CACNA1C: variants seen among roughly 807,000 people sequenced by gnomAD.
CACNA1C encodes voltage-dependent L-type calcium channel subunit alpha-1C.
CACNA1C carries 30 observed loss-of-function variants against 229.0 expected under a neutral mutation model. The ratio of observed to expected loss-of-function variants is 0.13; its 90% CI spans 0.10 to 0.18. The LOEUF is 0.18. Ranked by LOEUF, CACNA1C falls within the 10% of genes least tolerant of loss-of-function variation. The pLI, the probability that CACNA1C is intolerant of heterozygous loss-of-function variation, is 1.00. For missense variants in CACNA1C, 1,658 were observed against 2,845.0 expected, an observed-to-expected ratio of 0.58 and a Z score of 9.49; for synonymous variants, 1,114 against 1,132.5, an observed-to-expected ratio of 0.98 and a Z score of 0.33.
In CACNA1C at chr12:2,157,076, C is replaced by T. The variant is rs75768283; in HGVS notation, c.477+36646C>T. Among the ~76,000 whole-genome samples, 11 of 152,226 alleles carry T rather than the reference C, an allele frequency of 7.2e-5. No individual in the cohort carries two copies. The East Asian group carries it at 1.5e-3, about 21-fold the overall frequency. On this transcript the variant is annotated intron_variant, in intron 3 of 46. Coordinates refer to ENST00000399655, the MANE Select transcript of CACNA1C (RefSeq NM_000719.7). ...TGGTATCAGGTATTTTTGGAAGTGA[C>T]GGTTAAAATGGGGCTAAGAACTGGA... is the stretch of plus-strand genomic sequence containing the variant.
At chr12:2,051,520 CA>C (rs530036359), upstream of CACNA1C, among the ~76,000 whole-genome samples, 59 of 152,250 alleles carry the variant, frequency 3.9e-4, 1 homozygote, top group Non-Finnish European at 7.4e-4. Context: ...GAAGGTAGAC[CA>C]GGGGGATCAG....
At chr12:2,661,986 T>G (rs1603416573) in intron 34 of CACNA1C, among the ~76,000 whole-genome samples, 1 of 152,236 alleles carries the variant, frequency 6.6e-6, no homozygotes, top group Admixed American at 6.5e-5. Context: ...CTCACGCCTG[T>G]AATCCCAGCA....
intron 32 of CACNA1C, among the ~76,000 whole-genome samples, chr12:2,652,313 ATG>A (rs1230887978): frequency 6.6e-6 from 1 of 152,156 alleles, no homozygotes; most frequent in African/African-American, 2.4e-5. Context: ...CTGCCTGGCC[ATG>A]TGATCAGTTC....
chr12:2,016,621 G>C (rs2045427514), intron 1 of CACNA1C, among the ~76,000 whole-genome samples: 2 of 151,972 alleles, frequency 1.3e-5, no homozygotes, highest in Non-Finnish European at 2.9e-5. Flanking sequence ...GTAGAGACAG[G>C]GTTTCACCAT....
chr12:2,439,673 C>A (rs1001708074), intron 3 of CACNA1C, among the ~76,000 whole-genome samples: 3 of 151,846 alleles, frequency 2.0e-5, no homozygotes, highest in Non-Finnish European at 4.4e-5. Flanking sequence ...TTCAACTTAA[C>A]ATCCTGGGCA....
intron 3 of CACNA1C, among the ~76,000 whole-genome samples, chr12:2,187,093 C>T (rs111403687): frequency 0.02 from 3,079 of 152,258 alleles, 113 homozygotes; most frequent in African/African-American, 0.069. Flanking sequence ...CATGGTAAAA[C>T]GTTATCTTAC....
intron 3 of CACNA1C, among the ~76,000 whole-genome samples, chr12:2,308,514 A>G (rs556035802): frequency 3.5e-4 from 54 of 152,218 alleles, no homozygotes; most frequent in African/African-American, 1.2e-3. Context: ...GTTTATTTCT[A>G]TGGTCTCTAT....
intron 3 of CACNA1C, among the ~76,000 whole-genome samples, chr12:2,143,857 C>T (rs1310171599): frequency 3.3e-5 from 5 of 151,030 alleles, no homozygotes; most frequent in South Asian, 4.2e-4. Context: ...TTTCTCCCTG[C>T]CCCACCCCAA....
At chr12:2,368,918 A>G (rs1046444600) in intron 3 of CACNA1C, among the ~76,000 whole-genome samples, 1 of 152,218 alleles carries the variant, frequency 6.6e-6, no homozygotes, top group Non-Finnish European at 1.5e-5. Context: ...ATTCCTACAG[A>G]TGAACAGAAT....
chr12:2,510,491 C>T (rs1215631012), intron 8 of CACNA1C, among the ~76,000 whole-genome samples: 4 of 152,176 alleles, frequency 2.6e-5, no homozygotes, highest in South Asian at 2.1e-4. Flanking sequence ...CAGCATACCT[C>T]GTGTTCTGTT....
intron 5 of CACNA1C, among the ~76,000 whole-genome samples, chr12:2,475,225 G>T (rs2099619286): frequency 6.6e-6 from 1 of 151,944 alleles, no homozygotes; most frequent in Non-Finnish European, 1.5e-5. Context: ...CGTGAACCCG[G>T]TAGGTGGAGC....
rs921542698 is a variant in CACNA1C, at chr12:2,034,952, A to G, written c.139+63751A>G. On this transcript the variant is annotated intron_variant, in intron 1 of 46. Transcript: ENST00000682462. This position sits in a 1 kb window ranked among gnomAD's most constrained non-coding sequence, Gnocchi z 4.1. ...AGAAGCCTTAGGAGCTGGCGAGGCG[A>G]GGGGGTGAAGAGGAGAAGGAGGTCT... 6.6e-6 allele frequency among the ~76,000 whole-genome samples: 1 copy of G among 151,960 alleles called. No homozygotes were observed. The highest frequency in any genetic ancestry group is 2.4e-5 in the African/African-American group (1 of 41,452).
At chr12:2,385,777 C>A (rs1019156300) in intron 3 of CACNA1C, among the ~76,000 whole-genome samples, 3 of 152,188 alleles carry the variant, frequency 2.0e-5, no homozygotes, top group Admixed American at 1.3e-4. Flanking sequence ...GGTTTTCACC[C>A]CTGGGTGTAT....
intron 5 of CACNA1C, among the ~76,000 whole-genome samples, chr12:2,466,629 C>T (rs139067416): frequency 2.0e-5 from 3 of 152,320 alleles, no homozygotes; most frequent in African/African-American, 7.2e-5. Flanking sequence ...TGATTTAACA[C>T]TGAAGTACCC....
intron 18 of CACNA1C, among the ~76,000 whole-genome samples, chr12:2,587,778 C>T (rs966462912): frequency 3.3e-5 from 5 of 152,004 alleles, no homozygotes; most frequent in South Asian, 2.1e-4. Context: ...GTGTACGGCC[C>T]GCTCCCCGTC....
intron 18 of CACNA1C, among the ~76,000 whole-genome samples, chr12:2,591,225 TC>T (rs1451553450): frequency 1.3e-5 from 2 of 152,178 alleles, no homozygotes; most frequent in African/African-American, 4.8e-5. Context: ...ATTTTTTTTT[TC>T]TTTGCAGTAC....
At chr12:2,089,886 G>T (rs1276517120) in intron 1 of CACNA1C, among the ~76,000 whole-genome samples, 1 of 151,814 alleles carries the variant, frequency 6.6e-6, no homozygotes, top group Non-Finnish European at 1.5e-5. Context: ...AAAATTAGCC[G>T]GGCGTGGTGG....
intron 3 of CACNA1C, among the ~76,000 whole-genome samples, chr12:2,293,720 G>A (rs1246272019): frequency 6.6e-6 from 1 of 152,184 alleles, no homozygotes; most frequent in African/African-American, 2.4e-5. Context: ...AGAGTATCTT[G>A]CTTTGGCTTA....
chr12:1,993,731 TACTG>T (rs1054535328), intron 1 of CACNA1C, among the ~76,000 whole-genome samples: 15 of 152,228 alleles, frequency 9.9e-5, no homozygotes, highest in Admixed American at 3.3e-4. Context: ...TTTAAAACAT[TACTG>T]ACTTTTAAAG....
Sources: gnomAD v4.1 joint callset for allele counts (sites outside exome capture counted in the v4.1 genomes callset) on GRCh38, gnomAD v4.1.1 for gene constraint, Gnocchi (gnomAD v3.1) non-coding constraint, MANE v1.5 for transcripts, NCBI Gene and HGNC (gene_info 2026-07-23, HGNC 2026-07-21) for gene names.